The following POC1A variants were observed in gnomAD, a reference collection of about 807,000 sequenced individuals.
The protein encoded by POC1A is POC1 centriolar protein homolog A.
In POC1A, 34 loss-of-function variants were observed where a neutral mutation model predicts 47.8. The observed-to-expected ratio is 0.71, with a 90% CI of 0.54 to 0.95. The LOEUF (loss-of-function observed/expected upper bound fraction) is 0.95. POC1A is among the 40% of genes least tolerant of loss of function. The probability of loss-of-function intolerance (pLI) is 0.00; values close to 1 mark genes in which losing one functional copy is unlikely to be tolerated. For missense variants in POC1A, 466 were observed against 528.3 expected, an observed-to-expected ratio of 0.88 and a Z score of 1.16; for synonymous variants, 177 against 207.6, an observed-to-expected ratio of 0.85 and a Z score of 1.27.
At chr3:52,129,423 C>G (rs1704130135) in intron 7 of POC1A, among the ~76,000 whole-genome samples, 4 of 152,210 alleles carry the variant, frequency 2.6e-5, no homozygotes, top group African/African-American at 9.7e-5. Flanking sequence ...TAATCAATCA[C>G]TCTTCATGCA....
chr3:52,104,227 A>G (rs1419704610), intron 9 of POC1A, among the ~76,000 whole-genome samples: 4 of 152,250 alleles, frequency 2.6e-5, no homozygotes, highest in African/African-American at 9.6e-5. Flanking sequence ...AAAAGAATAC[A>G]TAACTGTATA....
chr3:52,109,662 C>CA (rs1454096975), intron 9 of POC1A, among the ~76,000 whole-genome samples: 2 of 152,150 alleles, frequency 1.3e-5, no homozygotes, highest in East Asian at 1.9e-4. Context: ...ACGTTCTGAC[C>CA]AGCCTTTAGC....
In POC1A at chr3:52,075,451, C is replaced by G. The variant is rs1702089145; in HGVS notation, c.*436G>C. On this transcript the variant is annotated 3_prime_UTR_variant, in exon 11 of 11. Coordinates refer to ENST00000296484, the MANE Select transcript of POC1A (RefSeq NM_015426.5). ...CTTTAGTCAGATTTAGAGAAAACCC[C>G]CGGCTCATCCAATCAATGTGCAATC... 1 of 166,240 alleles carries G rather than the reference C, an allele frequency of 6.0e-6. No homozygotes were observed. The highest frequency in any genetic ancestry group is 1.6e-4 in the South Asian group (1 of 6,304). The allele number at this position is 166,240 out of a possible 1,614,324, so 10.3% of individuals were successfully genotyped here. A position where few individuals can be genotyped will look rare whatever the true frequency, so the allele number is the denominator to read the frequency against.
intron 7 of POC1A, among the ~76,000 whole-genome samples, chr3:52,137,335 C>T (rs1437908036): frequency 6.6e-6 from 1 of 152,108 alleles, no homozygotes; most frequent in East Asian, 1.9e-4. Context: ...CCAGGCTAGA[C>T]ACCTCAGACT....
intron 10 of POC1A, among the ~76,000 whole-genome samples, chr3:52,094,603 T>C (rs1702748066): frequency 6.6e-6 from 1 of 152,224 alleles, no homozygotes; most frequent in East Asian, 1.9e-4. Flanking sequence ...GTTCTGAAAA[T>C]GGGTTGAACT....
chr3:52,149,840 G>A lies in POC1A; in HGVS notation c.251C>T (p.Thr84Ile). 2 of 1,613,908 alleles carry A rather than the reference G, an allele frequency of 1.2e-6. No homozygotes were observed. The highest frequency in any genetic ancestry group is 1.7e-6 in the Non-Finnish European group (2 of 1,179,998). ...CACATTGGGTACCCAGATGCGGACA[G>A]TCTTGTCTCGGGAGCCGGAAGCAAG... is the stretch of plus-strand genomic sequence containing the variant. ...HLLASGSRDK[T>I]VRIWVPNVKG... is the part of the protein sequence containing the mutation. Residue 84 changes from threonine to isoleucine, a missense_variant, in exon 3 of 11, where the codon ACT becomes ATT. Thr to Ile is a moderately conservative substitution (Grantham distance 89, BLOSUM62 -1). Transcript: ENST00000296484.
At chr3:52,132,248 G>A (rs1704240732) in intron 7 of POC1A, among the ~76,000 whole-genome samples, 2 of 152,196 alleles carry the variant, frequency 1.3e-5, no homozygotes, top group Non-Finnish European at 1.5e-5. Context: ...CTGACCCAGT[G>A]CCCAAGCCCA....
intron 1 of POC1A, among the ~76,000 whole-genome samples, chr3:52,151,953 T>A (rs542252076): frequency 6.6e-6 from 1 of 151,144 alleles, no homozygotes; most frequent in Non-Finnish European, 1.5e-5. Context: ...ACAGATACTA[T>A]AGAAAGTAAT....
rs375216262 is a variant in POC1A at position 52,122,566 on chromosome 3, A to G, written c.883-89T>C. 66 of 836,886 alleles carry G rather than the reference A, an allele frequency of 7.9e-5. 1 individual carries two copies. Among genetic ancestry groups the G allele is most frequent in the East Asian group, 3.7e-4 (15 of 40,684 alleles). 51.8% of individuals were successfully genotyped at this position (836,886 alleles called of 1,614,324 possible). On this transcript the variant is annotated intron_variant, in intron 8 of 10. Transcript: ENST00000296484. ...GGAAATGGGCTCAGAGGCCATGCCC[A>G]AAGTTCTGAGCCATGGTGGGATAGT...
chr3:52,153,041 T>TC (rs1698606460), intron 1 of POC1A, among the ~76,000 whole-genome samples: 1 of 152,226 alleles, frequency 6.6e-6, no homozygotes, highest in East Asian at 1.9e-4. Context: ...GGTATGACTG[T>TC]TATTGAGTAT....
intron 9 of POC1A, among the ~76,000 whole-genome samples, chr3:52,101,023 C>T (rs913005657): frequency 1.3e-5 from 2 of 150,660 alleles, no homozygotes; most frequent in African/African-American, 4.9e-5. Flanking sequence ...CTTTTGAGAC[C>T]CAGGGAGACA....
At chr3:52,148,949 G>C (rs1387392160) in intron 4 of POC1A, among the ~76,000 whole-genome samples, 3 of 152,210 alleles carry the variant, frequency 2.0e-5, no homozygotes, top group African/African-American at 7.2e-5. Flanking sequence ...TTTGTGCTTT[G>C]CCAACACAGA....
rs569782253 is a variant in POC1A at position 52,149,503 on chromosome 3, G to A, written c.276-114C>T. Reference sequence around the variant, plus strand: ...ACCCCTCCCAAAGTCAGTCAAGCCCGAGTACCCCAGTCTCCACAAGGGAAA... The same window carrying A: ...ACCCCTCCCAAAGTCAGTCAAGCCCAAGTACCCCAGTCTCCACAAGGGAAA... On this transcript the variant is annotated intron_variant, in intron 3 of 10. Coordinates refer to ENST00000296484, the MANE Select transcript of POC1A (RefSeq NM_015426.5). 7 of 920,604 alleles carry A rather than the reference G, an allele frequency of 7.6e-6. 1 individual carries two copies. The South Asian group carries it at 1.1e-4, about 14-fold the overall frequency. 57.0% of individuals were successfully genotyped at this position (920,604 alleles called of 1,614,324 possible).
chr3:52,112,271 A>T (rs1354628071), intron 9 of POC1A, among the ~76,000 whole-genome samples: 1 of 152,184 alleles, frequency 6.6e-6, no homozygotes, highest in Non-Finnish European at 1.5e-5. Flanking sequence ...CTCCCGCCTC[A>T]GCCCTGAATA....
At chr3:52,111,695 C>T (rs1446162574) in intron 9 of POC1A, among the ~76,000 whole-genome samples, 1 of 148,740 alleles carries the variant, frequency 6.7e-6, no homozygotes, top group East Asian at 2.0e-4. Context: ...GCAAATAAGA[C>T]CTTCATCTGG....
chr3:52,111,407 G>A (rs1384343832), intron 9 of POC1A, among the ~76,000 whole-genome samples: 1 of 152,118 alleles, frequency 6.6e-6, no homozygotes, highest in Non-Finnish European at 1.5e-5. Context: ...AACACTTTGG[G>A]AGGCCAAGGC....
At chr3:52,077,402 G>A (rs147169082) in intron 10 of POC1A, among the ~76,000 whole-genome samples, 1 of 152,372 alleles carries the variant, frequency 6.6e-6, no homozygotes, top group African/African-American at 2.4e-5. Context: ...GCAGCGTCCG[G>A]CACAGACATT....
At chr3:52,082,260 G>A (rs1224840922) in intron 10 of POC1A, among the ~76,000 whole-genome samples, 3 of 152,216 alleles carry the variant, frequency 2.0e-5, no homozygotes, top group Non-Finnish European at 4.4e-5. Flanking sequence ...CAGGGGAGCT[G>A]AGGGCCTTGG....
intron 10 of POC1A, among the ~76,000 whole-genome samples, chr3:52,080,261 A>C (rs1240698085): frequency 2.6e-5 from 4 of 152,178 alleles, no homozygotes; most frequent in Non-Finnish European, 5.9e-5. Flanking sequence ...GGTAGTGTGC[A>C]TCTTGGCTCT....
Sources: allele counts gnomAD v4.1 joint callset (sites outside exome capture counted in the v4.1 genomes callset), GRCh38; gene constraint gnomAD v4.1.1; transcripts MANE v1.5; gene names NCBI Gene and HGNC (gene_info 2026-07-23, HGNC 2026-07-21).